Variants in ZDHHC14 observed in about 807,000 individuals in gnomAD.
The protein encoded by ZDHHC14 is zDHHC palmitoyltransferase 14, also known as palmitoyltransferase ZDHHC14.
A neutral mutation model predicts 47.7 loss-of-function variants in ZDHHC14; 16 were observed. The ratio of observed to expected loss-of-function variants is 0.34; its 90% CI spans 0.23 to 0.51. The LOEUF (loss-of-function observed/expected upper bound fraction) is 0.51. ZDHHC14 is among the 20% of genes least tolerant of loss of function. The pLI is 0.97. For missense variants in ZDHHC14, 515 were observed against 662.5 expected, an observed-to-expected ratio of 0.78 and a Z score of 2.44; for synonymous variants, 293 against 278.9, an observed-to-expected ratio of 1.05 and a Z score of -0.50.
chr6:157,530,392 A>G (rs1175210284), intron 1 of ZDHHC14, among the ~76,000 whole-genome samples: 1 of 152,250 alleles, frequency 6.6e-6, no homozygotes, highest in Non-Finnish European at 1.5e-5. Context: ...GCATTGTTTT[A>G]GGTGAGATAA....
intron 3 of ZDHHC14, among the ~76,000 whole-genome samples, chr6:157,626,369 C>G (rs973775440): frequency 1.3e-5 from 2 of 152,132 alleles, no homozygotes; most frequent in African/African-American, 4.8e-5. Context: ...ATGATGGCCT[C>G]CAAGTCTTAG....
intron 2 of ZDHHC14, among the ~76,000 whole-genome samples, chr6:157,563,951 G>A (rs1179500853): frequency 6.6e-6 from 1 of 152,222 alleles, no homozygotes; most frequent in Non-Finnish European, 1.5e-5. Context: ...TCCCTAAGGG[G>A]GAACCCCTGT....
At chr6:157,447,373 C>T (rs996684529) in intron 1 of ZDHHC14, among the ~76,000 whole-genome samples, 4 of 152,250 alleles carry the variant, frequency 2.6e-5, no homozygotes, top group East Asian at 3.9e-4. Context: ...CACCCGGGGG[C>T]GGAAACTCCT....
At chr6:157,575,459 C>G (rs1783269294) in intron 2 of ZDHHC14, among the ~76,000 whole-genome samples, 1 of 152,172 alleles carries the variant, frequency 6.6e-6, no homozygotes, top group African/African-American at 2.4e-5. Flanking sequence ...CTGCCTTCCT[C>G]CTCTCTCAGA....
At chr6:157,637,423 C>G (rs762747767) in intron 5 of ZDHHC14, among the ~76,000 whole-genome samples, 1 of 152,198 alleles carries the variant, frequency 6.6e-6, no homozygotes, top group Admixed American at 6.5e-5. Flanking sequence ...CCAGCCCCTT[C>G]CGCTGCTGAG....
intron 8 of ZDHHC14, among the ~76,000 whole-genome samples, chr6:157,659,615 G>A (rs1214429064): frequency 6.6e-6 from 1 of 152,168 alleles, no homozygotes; most frequent in Non-Finnish European, 1.5e-5. Flanking sequence ...GACCAGCAGT[G>A]CCTGGCCGAA....
At chr6:157,500,764 C>G (rs1299393031) in intron 1 of ZDHHC14, among the ~76,000 whole-genome samples, 1 of 152,180 alleles carries the variant, frequency 6.6e-6, no homozygotes, top group Non-Finnish European at 1.5e-5. Context: ...GAAGGATGGA[C>G]AAAGCCTTAA....
chr6:157,596,160 T>C (rs1331424645), intron 3 of ZDHHC14, among the ~76,000 whole-genome samples: 1 of 152,212 alleles, frequency 6.6e-6, no homozygotes, highest in Non-Finnish European at 1.5e-5. Flanking sequence ...GGGCCTTTGG[T>C]TGACTGATGA....
chr6:157,650,031 G>T (rs1777747236), intron 7 of ZDHHC14, among the ~76,000 whole-genome samples: 2 of 150,422 alleles, frequency 1.3e-5, no homozygotes, highest in South Asian at 2.1e-4. Context: ...GGCGCTGGGG[G>T]TGCACGGGAG....
chr6:157,616,996 C>T (rs1784993347), intron 3 of ZDHHC14, among the ~76,000 whole-genome samples: 2 of 152,172 alleles, frequency 1.3e-5, no homozygotes, highest in African/African-American at 4.8e-5. Context: ...TTCTGACCAT[C>T]ACTCACCTTT....
intron 1 of ZDHHC14, among the ~76,000 whole-genome samples, chr6:157,516,096 A>G (rs2114757924): frequency 6.6e-6 from 1 of 152,318 alleles, no homozygotes; most frequent in Non-Finnish European, 1.5e-5. Context: ...TTGCCTGCTT[A>G]TAAACTCGAT....
chr6:157,548,964 C>T (rs552968662), intron 2 of ZDHHC14, among the ~76,000 whole-genome samples: 7 of 152,338 alleles, frequency 4.6e-5, no homozygotes, highest in South Asian at 4.1e-4. Flanking sequence ...AGGATGTGGC[C>T]GCGGCATTTG....
intron 2 of ZDHHC14, among the ~76,000 whole-genome samples, chr6:157,564,959 T>C (rs574039339): frequency 6.6e-6 from 1 of 152,254 alleles, no homozygotes; most frequent in East Asian, 1.9e-4. Context: ...AGTAAGAATA[T>C]TTGGGCCGGG....
At chr6:157,625,921 G>T (rs1192641903) in intron 3 of ZDHHC14, among the ~76,000 whole-genome samples, 1 of 152,088 alleles carries the variant, frequency 6.6e-6, no homozygotes, top group African/African-American at 2.4e-5. Flanking sequence ...CTCTAAGACG[G>T]CGCTGGTTTC....
chr6:157,497,502 G>A (rs1474965904), intron 1 of ZDHHC14, among the ~76,000 whole-genome samples: 1 of 152,186 alleles, frequency 6.6e-6, no homozygotes, highest in Non-Finnish European at 1.5e-5. Context: ...GAATTTGCAT[G>A]TAATGTGTAT....
intron 1 of ZDHHC14, among the ~76,000 whole-genome samples, chr6:157,489,329 G>C (rs1214534046): frequency 6.6e-6 from 1 of 152,186 alleles, no homozygotes; most frequent in Non-Finnish European, 1.5e-5. Context: ...AAACGTTGTA[G>C]TAGCATTTAT....
At chr6:157,456,162 G>C (rs1038904508) in intron 1 of ZDHHC14, among the ~76,000 whole-genome samples, 6 of 152,172 alleles carry the variant, frequency 3.9e-5, no homozygotes, top group African/African-American at 1.4e-4. Context: ...CCTGACCTCT[G>C]CCTCCCCGAG....
In ZDHHC14 at chr6:157,392,860, AT is replaced by A. The variant is rs530179519; in HGVS notation, c.245+10598del. ...TTTCAACTGCAATGGCACTTTTTTT[AT>A]TTTATAACAATTTTTTTTAATTATT... On this transcript the variant is annotated intron_variant, in intron 1 of 8. Transcript: ENST00000359775. Among the ~76,000 whole-genome samples the A allele has an allele frequency of 2.2e-3, 330 of 151,766 alleles. 1 individual carries two copies. The highest frequency in any genetic ancestry group is 7.3e-3 in the African/African-American group (303 of 41,352).
chr6:157,632,932 T>G (rs1302271331), intron 5 of ZDHHC14, 50 bp downstream of exon 5: 2 of 1,594,456 alleles, frequency 1.3e-6, no homozygotes, highest in South Asian at 2.2e-5. Flanking sequence ...GTTGAGTATC[T>G]GGCTGACCTT....
Sources: gnomAD v4.1 joint callset for allele counts (sites outside exome capture counted in the v4.1 genomes callset) on GRCh38, gnomAD v4.1.1 for gene constraint, MANE v1.5 for transcripts, NCBI Gene and HGNC (gene_info 2026-07-23, HGNC 2026-07-21) for gene names.